Variants in ENG observed in about 807,000 individuals in gnomAD.
ENG encodes endoglin, also known as CD105 antigen.
A neutral mutation model predicts 71.0 loss-of-function variants in ENG; 17 were observed. The ratio of observed to expected loss-of-function variants is 0.24; its 90% confidence interval spans 0.16 to 0.36. The LOEUF (loss-of-function observed/expected upper bound fraction) is 0.36. Among genes scored for constraint, ENG ranks in the 10% least tolerant of loss-of-function variants. The pLI, the probability that ENG is intolerant of heterozygous loss-of-function variation, is 1.00. For synonymous variants in ENG, 360 were observed against 366.9 expected, an observed-to-expected ratio of 0.98 and a Z score of 0.21; for missense variants, 749 against 868.3, an observed-to-expected ratio of 0.86 and a Z score of 1.73.
rs140728474 is a variant in ENG, at chr9:127,848,471, A to G, written c.68-5226T>C. Among the ~76,000 whole-genome samples the G allele has an allele frequency of 2.5e-3, 376 of 152,136 alleles. 3 individuals carry two copies. Among genetic ancestry groups the G allele is most frequent in the African/African-American group, 8.7e-3 (361 of 41,484 alleles). ...CTAAATTTTAAAAATATTTGTGGAG[A>G]AAGAGTCTTGCTATGTTGCCCAGGC... is the stretch of plus-strand genomic sequence containing the variant. On this transcript the variant is annotated intron_variant, in intron 1 of 14. Coordinates refer to ENST00000373203, the MANE Select transcript of ENG (RefSeq NM_001114753.3).
At position 127,824,420 on chromosome 9, in the gene ENG, G is replaced by A. The variant is rs773463077; in HGVS notation, c.1018C>T (p.Pro340Ser). ...CGGRLQTSPA[P>S]IQTTPPKDTC... The stretch of plus-strand genomic sequence containing the variant: ...TCCTTGGGAGGAGTGGTCTGGATCG[G>A]TGCGGGTGAGGTCTGCAGCCTACCA... Residue 340 changes from proline (P) to serine (S), a missense_variant, in exon 8 of 15, where the codon CCG (proline) becomes TCG (serine). Pro to Ser is a moderately conservative substitution (Grantham distance 74). Coordinates refer to ENST00000373203, the MANE Select transcript of ENG (RefSeq NM_001114753.3). 1.9e-6 allele frequency: 3 copies of A among 1,614,006 alleles called. No individual in the cohort carries two copies. The highest frequency in any genetic ancestry group is 2.2e-5 in the East Asian group (1 of 44,902).
intron 6 of ENG, 122 bp from the exon 7 acceptor site, chr9:127,825,096 T>C: frequency 1.3e-6 from 2 of 1,590,834 alleles, no homozygotes; most frequent in Non-Finnish European, 1.7e-6. Flanking sequence ...GTCTTCTGCC[T>C]GGCCCCTTCC....
chr9:127,837,545 G>C (rs1382493957), intron 2 of ENG, among the ~76,000 whole-genome samples: 3 of 152,130 alleles, frequency 2.0e-5, no homozygotes, highest in Admixed American at 6.5e-5. Flanking sequence ...CCAGCCTGGG[G>C]CTTCTGTGTT....
intron 1 of ENG, among the ~76,000 whole-genome samples, chr9:127,849,237 G>A (rs1831238770): frequency 6.6e-6 from 1 of 152,338 alleles, no homozygotes; most frequent in East Asian, 1.9e-4. Flanking sequence ...TGCGTCAGGA[G>A]TAAGAACCCC....
At position 127,818,504 on chromosome 9, in the gene ENG, T is replaced by C. The variant is rs1830389873; in HGVS notation, c.1429-127A>G. The C allele has an allele frequency of 2.6e-6, 4 of 1,518,684 alleles. No homozygotes were observed. Among genetic ancestry groups the C allele is most frequent in the Non-Finnish European group, 8.9e-7 (1 of 1,121,808 alleles). The allele number at this position is 1,518,684 out of a possible 1,614,324, so 94.1% of individuals were successfully genotyped here. On this transcript the variant is annotated intron_variant, in intron 11 of 14. Transcript: ENST00000373203. ...AGTCCTCACAGTGGAAAGAAAGACA[T>C]GGACCTGTCTGGGGCAGAGGAGGAG...
chr9:127,836,083 T>C lies in ENG; in HGVS notation c.220-6256A>G, dbSNP rs1456575623. ...CCAGTCAGGGTTTCTACAGCAAACA[T>C]TTCCCTCCCCACGGCCCTGACTCAC... is the stretch of plus-strand genomic sequence containing the variant. On this transcript the variant is annotated intron_variant, in intron 2 of 14. Transcript: ENST00000373203. The surrounding 1 kb of genome is among the most constrained non-coding windows in gnomAD (Gnocchi z 4.0). Among the ~76,000 whole-genome samples the C allele has an allele frequency of 6.6e-6, 1 of 152,040 alleles. No individual in the cohort carries two copies. Among genetic ancestry groups the C allele is most frequent in the Non-Finnish European group, 1.5e-5 (1 of 67,990 alleles).
chr9:127,825,902 C>A, intron 4 of ENG, 42 bp from the exon 5 acceptor site: 1 of 1,553,614 alleles, frequency 6.4e-7, no homozygotes. Flanking sequence ...CTCAGCAGCC[C>A]TGCACCTAAC....
In ENG at chr9:127,817,885, G is replaced by A; in HGVS notation, c.1686+235C>T. ...AAGTGAAAGGATGGATGGATGGATA[G>A]ATGGACAGTGGCAGCTGCATAGTCT... On this transcript the variant is annotated intron_variant, in intron 12 of 14. Transcript: ENST00000373203. 1.3e-5 allele frequency: 8 copies of A among 612,444 alleles called. No homozygotes were observed. The South Asian group carries it at 1.6e-4, about 12-fold the overall frequency. 37.9% of individuals were successfully genotyped at this position (612,444 alleles called of 1,614,324 possible). A position where few individuals can be genotyped will look rare whatever the true frequency, so the allele number is the denominator to read the frequency against.
intron 1 of ENG, among the ~76,000 whole-genome samples, chr9:127,851,602 C>T (rs979376076): frequency 2.0e-5 from 3 of 152,020 alleles, no homozygotes; most frequent in Non-Finnish European, 4.4e-5. Flanking sequence ...AAGTCCCAGC[C>T]AGGCATGGTG....
rs1302579401 is a variant in ENG, at chr9:127,818,019, C to T, written c.1686+101G>A. 8 of 1,585,906 alleles carry T rather than the reference C, an allele frequency of 5.0e-6. No individual in the cohort carries two copies. The African/African-American group carries it at 1.1e-4, about 21-fold the overall frequency. The stretch of plus-strand genomic sequence containing the variant: ...TGCCTGATTAAGGCTCCGCCCCTCA[C>T]CAGCTGGCCCCACATCCCTGTGGGC... On this transcript the variant is annotated intron_variant, in intron 12 of 14. Transcript: ENST00000373203.
chr9:127,849,948 A>G (rs1030787113), intron 1 of ENG, among the ~76,000 whole-genome samples: 3 of 152,240 alleles, frequency 2.0e-5, no homozygotes, highest in Non-Finnish European at 4.4e-5. Context: ...CAGTACACAT[A>G]CCACGCTTAG....
intron 5 of ENG, 57 bp downstream of exon 5, chr9:127,825,638 C>T (rs1354760380): frequency 2.7e-6 from 3 of 1,107,778 alleles, no homozygotes; most frequent in Admixed American, 3.8e-5. Flanking sequence ...CGGGGGGGGT[C>T]AGGGGGGTGG....
chr9:127,817,398 T>A (rs1399982916), intron 12 of ENG, 195 bp from the exon 13 acceptor site: 1 of 651,248 alleles, frequency 1.5e-6, no homozygotes, highest in Non-Finnish European at 2.8e-6. Flanking sequence ...GATCCCTGGC[T>A]GCTGCTGAAA....
intron 2 of ENG, among the ~76,000 whole-genome samples, chr9:127,842,831 C>CG (rs911067823): frequency 1.4e-5 from 2 of 147,864 alleles, no homozygotes; most frequent in African/African-American, 5.2e-5. Flanking sequence ...ACCTGGTCCC[C>CG]CCCACCCATC....
chr9:127,815,428 T>C lies in ENG; in HGVS notation c.*254A>G, dbSNP rs1382145395. ...TGGGTTTTTACAACAGCGTGGCAAG[T>C]GGTCTGTCTCCTGGGCAGCCATATC... On this transcript the variant is annotated 3_prime_UTR_variant, in exon 15 of 15. Transcript: ENST00000373203. 14 of 587,494 alleles carry C rather than the reference T, an allele frequency of 2.4e-5. No individual in the cohort carries two copies. The highest frequency in any genetic ancestry group is 2.0e-4 in the Admixed American group (6 of 29,662). The allele number at this position is 587,494 out of a possible 1,614,324, so 36.4% of individuals were successfully genotyped here. A position where few individuals can be genotyped will look rare whatever the true frequency, so the allele number is the denominator to read the frequency against.
rs1831061757 is a variant in ENG at position 127,842,565 on chromosome 9, C to T, written c.219+529G>A. 3.3e-5 allele frequency among the ~76,000 whole-genome samples: 5 copies of T among 152,070 alleles called. No homozygotes were observed. The South Asian group carries it at 1.0e-3, about 32-fold the overall frequency. Reference sequence around the variant, plus strand: ...TCAGCCTCCCAAGTAGCTGGGATTACAGGCGCTCACCACCACGCCCAACTA... The same window carrying T: ...TCAGCCTCCCAAGTAGCTGGGATTATAGGCGCTCACCACCACGCCCAACTA... On this transcript the variant is annotated intron_variant, in intron 2 of 14. Coordinates refer to ENST00000373203, the MANE Select transcript of ENG (RefSeq NM_001114753.3).
chr9:127,842,785 G>A (rs1448599595), intron 2 of ENG, among the ~76,000 whole-genome samples: 1 of 152,138 alleles, frequency 6.6e-6, no homozygotes, highest in African/African-American at 2.4e-5. Flanking sequence ...GAGATTCTGT[G>A]AGGTCTCCAT....
chr9:127,829,930 C>T lies in ENG; in HGVS notation c.220-103G>A, dbSNP rs1471295472. On this transcript the variant is annotated intron_variant, in intron 2 of 14. Coordinates refer to ENST00000373203, the MANE Select transcript of ENG (RefSeq NM_001114753.3). ...TTTGGATGCTTCCACTCCACTCTCC[C>T]TGCCTGCTCTGTCCACCCTCACCTC... The T allele has an allele frequency of 2.0e-6, 3 of 1,523,372 alleles. No homozygotes were observed. In the African/African-American group the frequency reaches 4.1e-5, roughly 21 times the overall value. The allele number at this position is 1,523,372 out of a possible 1,614,324, so 94.4% of individuals were successfully genotyped here. A position where few individuals can be genotyped will look rare whatever the true frequency, so the allele number is the denominator to read the frequency against.
intron 2 of ENG, among the ~76,000 whole-genome samples, chr9:127,842,313 A>T (rs1218808246): frequency 2.0e-5 from 3 of 146,622 alleles, no homozygotes; most frequent in Non-Finnish European, 4.5e-5. Context: ...TGCAACCTCC[A>T]CCTCCTGGGT....
Sources: allele counts gnomAD v4.1 joint callset (sites outside exome capture counted in the v4.1 genomes callset), GRCh38; gene constraint gnomAD v4.1.1; non-coding constraint Gnocchi (gnomAD v3.1); transcripts MANE v1.5; gene names NCBI Gene and HGNC (gene_info 2026-07-23, HGNC 2026-07-21).